Variants in HGD observed in about 807,000 individuals in gnomAD.
HGD encodes homogentisate oxidase.
Under a neutral mutation model 60.8 loss-of-function variants are expected in HGD, and 61 were observed. The observed-to-expected ratio is 1.00, with a 90% CI of 0.82 to 1.24. The LOEUF (loss-of-function observed/expected upper bound fraction) is 1.24, where lower values mean the gene tolerates loss of function less well. HGD is among the 50% of genes most tolerant of loss of function. The pLI, the probability that HGD is intolerant of heterozygous loss-of-function variation, is 0.00. For missense variants in HGD, 542 were observed against 547.1 expected, an observed-to-expected ratio of 0.99 and a Z score of 0.09; for synonymous variants, 212 against 187.7, an observed-to-expected ratio of 1.13 and a Z score of -1.06.
intron 12 of HGD, chr3:120,633,589 A>T (rs763050404): frequency 1.4e-6 from 2 of 1,420,164 alleles, no homozygotes; most frequent in South Asian, 2.4e-5. Flanking sequence ...ATCAGGCTAG[A>T]TCTAAAGAAA....
At chr3:120,678,066 C>A (rs1009244280) in intron 1 of HGD, 3 of 152,108 alleles carry the variant, frequency 2.0e-5, no homozygotes, top group African/African-American at 4.8e-5. Context: ...ATTCTTTTTG[C>A]CTTCAGACTC....
intron 4 of HGD, among the ~76,000 whole-genome samples, chr3:120,663,666 G>A (rs1372105758): frequency 1.3e-5 from 2 of 152,158 alleles, no homozygotes; most frequent in Non-Finnish European, 1.5e-5. Flanking sequence ...AAGAAAAGAA[G>A]GAGGTCTGTT....
chr3:120,670,955 A>G (rs574248604), intron 3 of HGD, among the ~76,000 whole-genome samples: 200 of 152,358 alleles, frequency 1.3e-3, no homozygotes, highest in Admixed American at 3.3e-4. Context: ...GCAGCTTGAG[A>G]GAATATGGGT....
Position 120,650,856 on chromosome 3 carries a change from T to G in HGD, c.352A>C (p.Thr118Pro), listed in dbSNP as rs1238717090. 6.2e-7 allele frequency: 1 copy of G among 1,613,680 alleles called. No individual in the cohort carries two copies. Among genetic ancestry groups the G allele is most frequent in the Admixed American group, 1.7e-5 (1 of 60,018 alleles). ...TTTATGTCTCCAGCTCCACACAAGG[T>G]ATGCAGGCCCTGGGAGAGACCCACA... The part of the protein sequence containing the change: ...KKVDFVSGLH[T>P]LCGAGDIKSN... The change falls in exon 6 of 14, where the codon ACC becomes CCC. Residue 118 changes from threonine (T) to proline (P), a missense_variant. Coordinates refer to ENST00000283871, the MANE Select transcript of HGD (RefSeq NM_000187.4).
chr3:120,681,186 C>T (rs1401801731), intron 1 of HGD, among the ~76,000 whole-genome samples: 2 of 152,214 alleles, frequency 1.3e-5, no homozygotes, highest in Non-Finnish European at 2.9e-5. Flanking sequence ...TAGGGCACTT[C>T]TCAAACCCTG....
At position 120,675,801 on chromosome 3, in the gene HGD, T is replaced by C. The variant is rs1708117450; in HGVS notation, c.78A>G (p.Pro26=). The stretch of plus-strand genomic sequence containing the variant: ...CTTTATTTGCTCATACCTGTCCTTC[T>C]GGCAGGGAACCTGGGCAGCGAGGAT... ...SEDPRCPGSL[P]EGQNNPQVCP... Residue 26 remains proline (P), a synonymous_variant, in exon 2 of 14, where the codon CCA becomes CCG. Transcript: ENST00000283871. 6.2e-7 allele frequency: 1 copy of C among 1,612,956 alleles called. No homozygotes were observed. Among genetic ancestry groups the C allele is most frequent in the Non-Finnish European group, 8.5e-7 (1 of 1,179,114 alleles).
chr3:120,628,831 T>G (rs987369876), intron 13 of HGD, among the ~76,000 whole-genome samples: 3 of 152,206 alleles, frequency 2.0e-5, no homozygotes, highest in Admixed American at 1.3e-4. Flanking sequence ...GAACTAAGTC[T>G]GCTAGATCCA....
rs778231396 is a variant in HGD at position 120,633,306 on chromosome 3, C to T, written c.1029G>A (p.Met343Ile). ...YYHRNCMSEF[M>I]GLIRGHYEAK... ...CCTCATAGTGACCTCGGATGAGTCC[C>T]ATGAACTCACTCATGCAGTTCCCTG... The change falls in exon 13 of 14, where the codon ATG (methionine) becomes ATA (isoleucine). Residue 343 changes from methionine (M) to isoleucine (I), a missense_variant. By Grantham distance (10) the Met-to-Ile change is conservative. Transcript: ENST00000283871. 1 of 1,614,162 alleles carries T rather than the reference C, an allele frequency of 6.2e-7. No homozygotes were observed. Among genetic ancestry groups the T allele is most frequent in the Non-Finnish European group, 8.5e-7 (1 of 1,180,020 alleles).
chr3:120,644,368 C>T lies in HGD; in HGVS notation c.725G>A (p.Gly242Asp). The stretch of plus-strand genomic sequence containing the variant: ...CTGGTATTTATTAATGACCGTGTAA[C>T]CACCTGGTACTTGGCGATCCTCATA... The part of the protein sequence containing the change: ...AWYEDRQVPG[G>D]YTVINKYQGK... Residue 242 changes from glycine (G) to aspartate (D), a missense_variant, in exon 10 of 14, where the codon GGT becomes GAT. Physicochemically the swap from Gly to Asp is moderately conservative, Grantham distance 94 (BLOSUM62 -1). This residue lies in a region of HGD where 537 missense variants were observed against 529.1 expected (regional missense o/e 1.01). Coordinates refer to ENST00000283871, the MANE Select transcript of HGD (RefSeq NM_000187.4). 6.2e-7 allele frequency: 1 copy of T among 1,614,134 alleles called. No homozygotes were observed. The highest frequency in any genetic ancestry group is 8.5e-7 in the Non-Finnish European group (1 of 1,179,998).
At chr3:120,631,776 T>C (rs183351034) in intron 13 of HGD, among the ~76,000 whole-genome samples, 1 of 152,312 alleles carries the variant, frequency 6.6e-6, no homozygotes, top group Non-Finnish European at 1.5e-5. Context: ...AGGTAAGATG[T>C]TGGACCCTCC....
At chr3:120,649,139 C>CTTTT (rs10572267) in intron 6 of HGD, among the ~76,000 whole-genome samples, 106 of 94,274 alleles carry the variant, frequency 1.1e-3, no homozygotes, top group Non-Finnish European at 1.4e-3. Flanking sequence ...TCTTCTTTTT[C>CTTTT]TTTTTTTTTT....
chr3:120,656,821 G>A (rs761069169), intron 4 of HGD, among the ~76,000 whole-genome samples: 68 of 152,256 alleles, frequency 4.5e-4, no homozygotes, highest in Non-Finnish European at 8.1e-4. Flanking sequence ...CAAAGTGCTG[G>A]GATTACAGGC....
chr3:120,644,213 TAAC>T (rs1941084684), intron 10 of HGD, 103 bp downstream of exon 10: 1 of 1,342,246 alleles, frequency 7.5e-7, no homozygotes, highest in South Asian at 1.2e-5. Flanking sequence ...AGTGGTATGA[TAAC>T]AACGAAAGGA....
At chr3:120,644,771 T>C (rs187632804) in intron 9 of HGD, among the ~76,000 whole-genome samples, 77 of 152,306 alleles carry the variant, frequency 5.1e-4, no homozygotes, top group Non-Finnish European at 2.4e-4. Context: ...AAAGGGAAGA[T>C]CTGATAGAAC....
intron 4 of HGD, among the ~76,000 whole-genome samples, chr3:120,668,033 C>G (rs1707939709): frequency 6.6e-6 from 1 of 152,084 alleles, no homozygotes; most frequent in Admixed American, 6.5e-5. Flanking sequence ...TCGTCTGTGT[C>G]CCTTTGTGTG....
intron 12 of HGD, among the ~76,000 whole-genome samples, chr3:120,637,034 A>T (rs1253339601): frequency 3.3e-5 from 5 of 152,176 alleles, no homozygotes; most frequent in Admixed American, 2.6e-4. Flanking sequence ...CTTTGATTGG[A>T]TTTTCAGCTA....
At chr3:120,654,659 A>T (rs2107524895) in intron 4 of HGD, among the ~76,000 whole-genome samples, 2 of 152,346 alleles carry the variant, frequency 1.3e-5, no homozygotes, top group Middle Eastern at 3.4e-3. Context: ...ATCAAGAAAA[A>T]AGAAGAAAGA....
intron 12 of HGD, among the ~76,000 whole-genome samples, chr3:120,635,402 G>A (rs980886119): frequency 4.6e-5 from 7 of 150,718 alleles, no homozygotes; most frequent in Non-Finnish European, 4.4e-5. Flanking sequence ...GCATGAACCC[G>A]GGAGGCAGAG....
chr3:120,660,496 TAATGAGGATCC>T (rs1476254636), intron 4 of HGD, among the ~76,000 whole-genome samples: 1 of 152,178 alleles, frequency 6.6e-6, no homozygotes, highest in East Asian at 1.9e-4. Flanking sequence ...AGAATATAGA[TAATGAGGATCC>T]AAGTCACTGT....
Sources: gnomAD v4.1 joint callset for allele counts (sites outside exome capture counted in the v4.1 genomes callset) on GRCh38, gnomAD v4.1.1 for gene constraint, gnomAD v4.1.1 regional missense constraint, MANE v1.5 for transcripts, NCBI Gene and HGNC (gene_info 2026-07-23, HGNC 2026-07-21) for gene names.